Variants in SLFN12 observed in about 807,000 individuals in gnomAD.
SLFN12 encodes the protein schlafen family member 12.
SLFN12 carries 25 observed loss-of-function variants against 29.1 expected under a neutral mutation model. The observed-to-expected ratio is 0.86, with a 90% CI of 0.63 to 1.20. The LOEUF (loss-of-function observed/expected upper bound fraction) is 1.20. Among genes scored for constraint, SLFN12 ranks in the 50% most tolerant of loss-of-function variants. The pLI is 0.00. For missense variants in SLFN12, 660 were observed against 666.2 expected (o/e 0.99, Z 0.10); for synonymous variants, 257 against 238.7 (o/e 1.08, Z -0.71).
intron 3 of SLFN12, among the ~76,000 whole-genome samples, chr17:35,413,186 A>C (rs922290515): frequency 2.0e-5 from 3 of 152,120 alleles, no homozygotes. Context: ...GCAATATTTG[A>C]AGAGATAAAC....
chr17:35,426,075 G>C (rs1035239397), intron 1 of SLFN12, among the ~76,000 whole-genome samples: 1 of 150,904 alleles, frequency 6.6e-6, no homozygotes, highest in Non-Finnish European at 1.5e-5. Context: ...TCATATATCT[G>C]TTGTCCATTA....
chr17:35,418,118 A>G (rs1158259876), intron 3 of SLFN12, among the ~76,000 whole-genome samples: 1 of 152,144 alleles, frequency 6.6e-6, no homozygotes, highest in Non-Finnish European at 1.5e-5. Flanking sequence ...TAAAGTGTGT[A>G]TAGAAGATTA....
At chr17:35,429,048 T>C (rs1208739150) in intron 1 of SLFN12, among the ~76,000 whole-genome samples, 3 of 152,122 alleles carry the variant, frequency 2.0e-5, no homozygotes, top group African/African-American at 7.2e-5. Flanking sequence ...AAGCAGCCTC[T>C]GCTCTGCTCC....
chr17:35,411,208 A>G lies in SLFN12; in HGVS notation c.*130T>C, dbSNP rs1346568868. The G allele has an allele frequency of 4.5e-6, 3 of 660,998 alleles. No individual in the cohort carries two copies. The East Asian group carries it at 8.4e-5, about 18-fold the overall frequency. 40.9% of individuals were successfully genotyped at this position (660,998 alleles called of 1,614,324 possible). A position where few individuals can be genotyped will look rare whatever the true frequency, so the allele number is the denominator to read the frequency against. Reference sequence around the variant, plus strand: ...TATTTAGGGAGAAGTGAAAATAGACAAAACCCAATTATCCAACATCACATT... The same window carrying G: ...TATTTAGGGAGAAGTGAAAATAGACGAAACCCAATTATCCAACATCACATT... On this transcript the variant is annotated 3_prime_UTR_variant, in exon 4 of 4. Coordinates refer to ENST00000304905, the MANE Select transcript of SLFN12 (RefSeq NM_018042.5).
intron 2 of SLFN12, among the ~76,000 whole-genome samples, chr17:35,421,664 T>C (rs1138037): frequency 1.1e-4 from 17 of 150,810 alleles, no homozygotes; most frequent in Non-Finnish European, 2.1e-4. Context: ...CTCAGCCTCC[T>C]GAGTAGCTGG....
In SLFN12 at chr17:35,422,342, A is replaced by G. The variant is rs552138740; in HGVS notation, c.687T>C (p.Phe229=). Residue 229 remains phenylalanine (F), a synonymous_variant, in exon 2 of 4, where the codon TTT becomes TTC. Coordinates refer to ENST00000304905, the MANE Select transcript of SLFN12 (RefSeq NM_018042.5). ...ACAAATATCCTCCATCAGTATTTGC[A>G]AATGCAGAAACATATTGAGGGAGAA... is the stretch of plus-strand genomic sequence containing the variant. ...KEILPQYVSA[F]ANTDGGYLFI... 13 of 1,614,006 alleles carry G rather than the reference A, an allele frequency of 8.1e-6. No individual in the cohort carries two copies. The African/African-American group carries it at 1.7e-4, about 22-fold the overall frequency.
At chr17:35,429,079 C>G (rs1912167935) in intron 1 of SLFN12, among the ~76,000 whole-genome samples, 1 of 152,146 alleles carries the variant, frequency 6.6e-6, no homozygotes, top group East Asian at 1.9e-4. Context: ...TTTGCAGCCT[C>G]TCTAACTAGA....
At position 35,411,787 on chromosome 17, in the gene SLFN12, C is replaced by A. The variant is rs778373702; in HGVS notation, c.1288G>T (p.Val430Leu). The A allele has an allele frequency of 8.7e-6, 14 of 1,613,978 alleles. No individual in the cohort carries two copies. The African/African-American group carries it at 9.3e-5, about 11-fold the overall frequency. Residue 430 changes from valine (V) to leucine (L), a missense_variant, in exon 4 of 4, where the codon GTG (valine) becomes TTG (leucine). By Grantham distance (32) the Val-to-Leu change is conservative (BLOSUM62 1). Transcript: ENST00000304905. ...TGGTTCTCTTGCAAGCCCAGATCCA[C>A]AGACCAGCTCCTAGAGAAGATCAGT... is the stretch of plus-strand genomic sequence containing the variant. ...GSLIFSRSWS[V>L]DLGLQENHKV...
intron 1 of SLFN12, among the ~76,000 whole-genome samples, chr17:35,424,878 GT>G (rs1386958394): frequency 6.6e-6 from 1 of 152,020 alleles, no homozygotes; most frequent in Non-Finnish European, 1.5e-5. Context: ...CATGTACAAT[GT>G]GTTTTTTTGA....
chr17:35,429,099 C>T (rs1912169347), intron 1 of SLFN12, among the ~76,000 whole-genome samples: 1 of 152,142 alleles, frequency 6.6e-6, no homozygotes, highest in Non-Finnish European at 1.5e-5. Context: ...AGTCTTGTCC[C>T]CTTTCCTCTT....
chr17:35,429,232 C>T (rs1567853377), intron 1 of SLFN12, among the ~76,000 whole-genome samples: 1 of 152,010 alleles, frequency 6.6e-6, no homozygotes, highest in Non-Finnish European at 1.5e-5. Context: ...GGAGGGTGCT[C>T]ATACCACTGA....
At position 35,422,501 on chromosome 17, in the gene SLFN12, G is replaced by A; in HGVS notation, c.528C>T (p.Asn176=). The stretch of plus-strand genomic sequence containing the variant: ...AAAAAACCCCGGCCAAGGCCTTCAT[G>A]TTATTTTCTTCTTGTATATCAACAC... ...RPCVDIQEEN[N]MKALAGVFFD... is the part of the protein sequence containing the mutation. Residue 176 remains asparagine, a synonymous_variant, in exon 2 of 4, where the codon AAC becomes AAT. Coordinates refer to ENST00000304905, the MANE Select transcript of SLFN12 (RefSeq NM_018042.5). 1 of 1,613,532 alleles carries A rather than the reference G, an allele frequency of 6.2e-7. No homozygotes were observed. Among genetic ancestry groups the A allele is most frequent in the Non-Finnish European group, 8.5e-7 (1 of 1,179,876 alleles).
intron 1 of SLFN12, among the ~76,000 whole-genome samples, chr17:35,430,207 C>T (rs377486392): frequency 1.3e-5 from 2 of 151,974 alleles, no homozygotes; most frequent in Admixed American, 6.6e-5. Context: ...AAAGTGTTAC[C>T]GGTGGAGGGT....
At chr17:35,413,693 G>A (rs1911161925) in intron 3 of SLFN12, among the ~76,000 whole-genome samples, 1 of 150,804 alleles carries the variant, frequency 6.6e-6, no homozygotes, top group Non-Finnish European at 1.5e-5. Flanking sequence ...AGGTTGCAGG[G>A]TGCCAAGATA....
At chr17:35,421,836 G>A (rs1910732285) in intron 2 of SLFN12, among the ~76,000 whole-genome samples, 154 bp downstream of exon 2, 1 of 151,370 alleles carries the variant, frequency 6.6e-6, no homozygotes, top group South Asian at 2.1e-4. Flanking sequence ...CACCGCGCCT[G>A]GCCGAGGCAG....
chr17:35,425,592 A>G (rs1597784222), intron 1 of SLFN12, among the ~76,000 whole-genome samples: 1 of 152,084 alleles, frequency 6.6e-6, no homozygotes, highest in African/African-American at 2.4e-5. Flanking sequence ...CAAAAATGAC[A>G]GGATTTCCTT....
At position 35,422,096 on chromosome 17, in the gene SLFN12, G is replaced by A; in HGVS notation, c.933C>T (p.Cys311=). Residue 311 remains cysteine, a synonymous_variant, in exon 2 of 4, where the codon TGC becomes TGT. Transcript: ENST00000304905. Reference sequence around the variant, plus strand: ...CAGGCTCTTTAGCAAACACTGCACAGCAGAAGCGCTCCACTCTGAGTGCAC... The same window carrying A: ...CAGGCTCTTTAGCAAACACTGCACAACAGAAGCGCTCCACTCTGAGTGCAC... The part of the protein sequence containing the change: ...YVCALRVERF[C]CAVFAKEPDS... 1 of 1,614,078 alleles carries A rather than the reference G, an allele frequency of 6.2e-7. No homozygotes were observed. Among genetic ancestry groups the A allele is most frequent in the Non-Finnish European group, 8.5e-7 (1 of 1,180,010 alleles).
At chr17:35,412,032 G>A in intron 3 of SLFN12, 105 bp from the exon 4 acceptor site, 3 of 783,136 alleles carry the variant, frequency 3.8e-6, no homozygotes, top group Non-Finnish European at 5.7e-6. Context: ...CAAAAACACT[G>A]TAAAAGTTGT....
chr17:35,431,264 GTTTGATTTT>G (rs1342948190), intron 1 of SLFN12, among the ~76,000 whole-genome samples: 1 of 152,114 alleles, frequency 6.6e-6, no homozygotes, highest in African/African-American at 2.4e-5. Flanking sequence ...TTCCATGGCA[GTTTGATTTT>G]TAAAGGTCAA....
Sources: gnomAD v4.1 joint callset for allele counts (sites outside exome capture counted in the v4.1 genomes callset) on GRCh38, gnomAD v4.1.1 for gene constraint, MANE v1.5 for transcripts, NCBI Gene and HGNC (gene_info 2026-07-23, HGNC 2026-07-21) for gene names.